The following PARD3 variants were observed in gnomAD, a reference collection of about 807,000 sequenced individuals.
PARD3 encodes the protein partitioning defective 3 homolog.
In PARD3, 75 loss-of-function variants were observed where a neutral mutation model predicts 155.4. That is an observed-to-expected ratio of 0.48 (90% CI 0.40 to 0.58). The LOEUF is 0.58. Among genes scored for constraint, PARD3 ranks in the 20% least tolerant of loss-of-function variants. The pLI is 0.00. For missense variants in PARD3, 1,642 were observed against 1,721.7 expected (o/e 0.95, Z 0.82); for synonymous variants, 576 against 610.5 (o/e 0.94, Z 0.83).
intron 2 of PARD3, among the ~76,000 whole-genome samples, chr10:34,673,878 C>T (rs2093651252): frequency 6.6e-6 from 1 of 151,538 alleles, no homozygotes; most frequent in Non-Finnish European, 1.5e-5. Flanking sequence ...GTGATCCCAG[C>T]TATGTGGGAG....
intron 15 of PARD3, chr10:34,343,625 C>T: frequency 1.0e-6 from 1 of 985,248 alleles, no homozygotes; most frequent in Non-Finnish European, 1.2e-6. Context: ...CAAGATTATA[C>T]CAGGGTAATG....
intron 10 of PARD3, 96 bp downstream of exon 10, chr10:34,377,871 T>C: frequency 4.0e-5 from 39 of 986,106 alleles, no homozygotes; most frequent in Non-Finnish European, 5.6e-5. Flanking sequence ...TGTATATAAC[T>C]GAATTTCATA....
Position 34,584,579 on chromosome 10 carries a change from G to A in PARD3, c.223-67420C>T, listed in dbSNP as rs1337231465. On this transcript the variant is annotated intron_variant, in intron 2 of 24. Coordinates refer to ENST00000374788, the MANE Select transcript of PARD3 (RefSeq NM_001184785.2). ...GTACATGGTGTCCAACTAATCGAGC[G>A]GAGTTTCCTAATAATTCACATGAAA... 5.3e-5 allele frequency among the ~76,000 whole-genome samples: 8 copies of A among 152,050 alleles called. No homozygotes were observed. The South Asian group carries it at 8.3e-4, about 16-fold the overall frequency.
At chr10:34,633,203 T>C (rs772566525) in intron 2 of PARD3, among the ~76,000 whole-genome samples, 17 of 152,152 alleles carry the variant, frequency 1.1e-4, no homozygotes, top group Non-Finnish European at 2.4e-4. Context: ...TCAGCAGTAT[T>C]AAAATGTACG....
At chr10:34,582,677 A>G (rs573324503) in intron 2 of PARD3, among the ~76,000 whole-genome samples, 111 of 152,192 alleles carry the variant, frequency 7.3e-4, no homozygotes, top group Non-Finnish European at 1.4e-3. Flanking sequence ...TATGCGCTAT[A>G]TGTGACACAG....
At position 34,201,496 on chromosome 10, in the gene PARD3, T is replaced by C. The variant is rs369575382; in HGVS notation, c.3419+68161A>G. On this transcript the variant is annotated intron_variant, in intron 22 of 24. Coordinates refer to ENST00000374788, the MANE Select transcript of PARD3 (RefSeq NM_001184785.2). ...AATTAGAAGGAAATGAAAAGCCATCTATACTAAGGGCATAGAATGCTTTGG... is the reference window on the plus strand; with the variant it reads ...AATTAGAAGGAAATGAAAAGCCATCCATACTAAGGGCATAGAATGCTTTGG... 1.1e-4 allele frequency among the ~76,000 whole-genome samples: 17 copies of C among 152,324 alleles called. No homozygotes were observed. In the East Asian group the frequency reaches 1.3e-3, roughly 12 times the overall value.
At chr10:34,147,734 A>T (rs919695416) in intron 22 of PARD3, among the ~76,000 whole-genome samples, 9 of 152,054 alleles carry the variant, frequency 5.9e-5, no homozygotes, top group African/African-American at 1.9e-4. Flanking sequence ...TAATTTTTTA[A>T]AAAAATCTTT....
At chr10:34,501,685 A>T (rs1326466801) in intron 3 of PARD3, among the ~76,000 whole-genome samples, 1 of 152,082 alleles carries the variant, frequency 6.6e-6, no homozygotes, top group East Asian at 1.9e-4. Context: ...AAATATTTAA[A>T]TGCATGTAAA....
In PARD3 at chr10:34,642,157, G is replaced by A. The variant is rs2092698734; in HGVS notation, c.222+54161C>T. 2.0e-5 allele frequency among the ~76,000 whole-genome samples: 3 copies of A among 151,682 alleles called. No homozygotes were observed. The South Asian group carries it at 6.2e-4, about 32-fold the overall frequency. On this transcript the variant is annotated intron_variant, in intron 2 of 24. Coordinates refer to ENST00000374788, the MANE Select transcript of PARD3 (RefSeq NM_001184785.2). Reference sequence around the variant, plus strand: ...TACATGGGATCCCCGCCCACCCAAGGCTCATGGCCCCCATGCACACAGTCC... The same window carrying A: ...TACATGGGATCCCCGCCCACCCAAGACTCATGGCCCCCATGCACACAGTCC...
intron 22 of PARD3, among the ~76,000 whole-genome samples, chr10:34,218,602 T>C (rs1214538611): frequency 1.3e-5 from 2 of 152,150 alleles, no homozygotes; most frequent in Non-Finnish European, 2.9e-5. Context: ...GGGGCACTTC[T>C]CCAAGAGAAA....
rs76035566 is a variant in PARD3 at position 34,171,117 on chromosome 10, C to T, written c.3420-39534G>A. Among the ~76,000 whole-genome samples the T allele has an allele frequency of 2.8e-3, 420 of 152,280 alleles. 4 individuals are homozygous for T. Among genetic ancestry groups the T allele is most frequent in the African/African-American group, 9.7e-3 (403 of 41,544 alleles). On this transcript the variant is annotated intron_variant, in intron 22 of 24. Transcript: ENST00000374788. ...ATATAGTCTCACATGTATACACACA[C>T]GTTTATACACACTATCCATCCATCA...
chr10:34,750,030 TACACACACACACACACACACACACAC>T (rs71984849), intron 1 of PARD3, among the ~76,000 whole-genome samples: 1 of 140,688 alleles, frequency 7.1e-6, no homozygotes, highest in African/African-American at 2.6e-5. Flanking sequence ...TCAAAAAAAG[TACACACACACACACACACACACACAC>T]ACACACACAC....
At chr10:34,396,532 C>A (rs542864983) in intron 7 of PARD3, among the ~76,000 whole-genome samples, 1 of 152,202 alleles carries the variant, frequency 6.6e-6, no homozygotes, top group East Asian at 1.9e-4. Context: ...TCAAAATATA[C>A]AATTGGTATT....
intron 2 of PARD3, among the ~76,000 whole-genome samples, chr10:34,574,570 T>C (rs2086740149): frequency 6.6e-6 from 1 of 152,136 alleles, no homozygotes; most frequent in African/African-American, 2.4e-5. Flanking sequence ...CGCCTGAAAA[T>C]CATCAAAAAC....
chr10:34,153,693 A>T (rs1208891876), intron 22 of PARD3, among the ~76,000 whole-genome samples: 1 of 152,256 alleles, frequency 6.6e-6, no homozygotes, highest in Non-Finnish European at 1.5e-5. Context: ...ATCAAAGTCC[A>T]GAGAATTTTA....
chr10:34,201,095 A>G (rs1299553000), intron 22 of PARD3, among the ~76,000 whole-genome samples: 2 of 152,298 alleles, frequency 1.3e-5, no homozygotes, highest in African/African-American at 4.8e-5. Context: ...CATGGGATCT[A>G]GAGACAGACA....
intron 1 of PARD3, 113 bp downstream of exon 1, chr10:34,814,763 T>G (rs1844693861): frequency 1.0e-6 from 1 of 974,414 alleles, no homozygotes; most frequent in Admixed American, 2.9e-5. Context: ...CCGGCCGCAC[T>G]TTCCCTTTCC....
chr10:34,508,661 T>C (rs754005884), intron 3 of PARD3, among the ~76,000 whole-genome samples: 3 of 152,214 alleles, frequency 2.0e-5, no homozygotes, highest in Non-Finnish European at 2.9e-5. Flanking sequence ...GATTTGTTAA[T>C]ATTGAAAATA....
chr10:34,195,967 G>A (rs906236725), intron 22 of PARD3, among the ~76,000 whole-genome samples: 9 of 152,206 alleles, frequency 5.9e-5, no homozygotes, highest in Admixed American at 3.3e-4. Context: ...CTAAACCCAC[G>A]TAAAGGGCTT....
Sources: gnomAD v4.1 joint callset for allele counts (sites outside exome capture counted in the v4.1 genomes callset) on GRCh38, gnomAD v4.1.1 for gene constraint, MANE v1.5 for transcripts, NCBI Gene and HGNC (gene_info 2026-07-23, HGNC 2026-07-21) for gene names.